RIT2: variants seen among roughly 807,000 people sequenced by gnomAD.
RIT2 encodes the protein Ras like without CAAX 2.
RIT2 carries 24 observed loss-of-function variants against 23.7 expected under a neutral mutation model. That is an observed-to-expected ratio of 1.01 (90% CI 0.73 to 1.43). RIT2 has a LOEUF of 1.43. RIT2 is among the 40% of genes most tolerant of loss of function. The pLI, the probability that RIT2 is intolerant of heterozygous loss-of-function variation, is 0.00. For missense variants in RIT2, 236 were observed against 266.9 expected (o/e 0.88, Z 0.81); for synonymous variants, 107 against 91.1 (o/e 1.17, Z -0.99).
At position 42,974,013 on chromosome 18, in the gene RIT2, T is replaced by C. The variant is rs1598735224; in HGVS notation, c.234+61A>G. On this transcript the variant is annotated intron_variant, in intron 3 of 4. Transcript: ENST00000326695. ...GTCATCTTCTCCTTTGTTGTAAATA[T>C]ATTTGAAGCTAAAGCATAAAATAAA... is the stretch of plus-strand genomic sequence containing the variant. 17 of 1,050,578 alleles carry C rather than the reference T, an allele frequency of 1.6e-5. No homozygotes were observed. The East Asian group carries it at 3.3e-4, about 20-fold the overall frequency. 65.1% of individuals were successfully genotyped at this position (1,050,578 alleles called of 1,614,324 possible). A position where few individuals can be genotyped will look rare whatever the true frequency, so the allele number is the denominator to read the frequency against.
At chr18:43,062,216 A>G (rs78981289) in intron 1 of RIT2, among the ~76,000 whole-genome samples, 1 of 151,514 alleles carries the variant, frequency 6.6e-6, no homozygotes, top group Non-Finnish European at 1.5e-5. Context: ...TGGATGGATG[A>G]AAAAAAAATA....
At chr18:42,838,210 T>G (rs1182500260) in intron 4 of RIT2, among the ~76,000 whole-genome samples, 2 of 152,194 alleles carry the variant, frequency 1.3e-5, no homozygotes, top group Non-Finnish European at 2.9e-5. Context: ...CATATGTTTT[T>G]TTTTCTTTAT....
At chr18:42,856,889 G>C (rs901867057) in intron 4 of RIT2, among the ~76,000 whole-genome samples, 1 of 147,442 alleles carries the variant, frequency 6.8e-6, no homozygotes, top group Admixed American at 6.8e-5. Context: ...GAGTGCAGTG[G>C]TGGGATCTCG....
At chr18:42,769,151 A>T (rs1913491338) in intron 4 of RIT2, among the ~76,000 whole-genome samples, 1 of 152,180 alleles carries the variant, frequency 6.6e-6, no homozygotes, top group African/African-American at 2.4e-5. Flanking sequence ...GAAAAAAGTC[A>T]ATAGAAAGGT....
At chr18:43,071,914 C>T (rs1046162715) in intron 1 of RIT2, among the ~76,000 whole-genome samples, 2 of 152,080 alleles carry the variant, frequency 1.3e-5, no homozygotes, top group Admixed American at 1.3e-4. Flanking sequence ...TTCTGAATCT[C>T]ACTATTATCA....
intron 4 of RIT2, among the ~76,000 whole-genome samples, chr18:42,757,839 A>G (rs1913200137): frequency 1.3e-5 from 2 of 152,136 alleles, no homozygotes; most frequent in African/African-American, 4.8e-5. Context: ...CACCTCAGTG[A>G]GGAAATAAAA....
intron 4 of RIT2, among the ~76,000 whole-genome samples, chr18:42,752,630 G>A (rs138001895): frequency 4.6e-5 from 7 of 152,046 alleles, no homozygotes; most frequent in Non-Finnish European, 1.0e-4. Flanking sequence ...ATATTTAGTT[G>A]ATTGTTCTGA....
chr18:42,792,404 A>G (rs1207170935), intron 4 of RIT2, among the ~76,000 whole-genome samples: 1 of 152,174 alleles, frequency 6.6e-6, no homozygotes, highest in Non-Finnish European at 1.5e-5. Flanking sequence ...GCTATTTACA[A>G]TATCAGTCAT....
chr18:43,065,917 G>A lies in RIT2; in HGVS notation c.104-32050C>T, dbSNP rs188904630. Among the ~76,000 whole-genome samples the A allele has an allele frequency of 7.9e-5, 12 of 152,290 alleles. No individual in the cohort carries two copies. The East Asian group carries it at 2.3e-3, about 29-fold the overall frequency. On this transcript the variant is annotated intron_variant, in intron 1 of 4. Transcript: ENST00000326695. The stretch of plus-strand genomic sequence containing the variant: ...TGGGGTAGAAAAAAACACATGGTGA[G>A]GGTCTGTTTAGTGAGTAACATTTAT...
chr18:42,754,222 G>A (rs1427533579), intron 4 of RIT2, among the ~76,000 whole-genome samples: 4 of 152,062 alleles, frequency 2.6e-5, no homozygotes, highest in Admixed American at 2.6e-4. Context: ...AAAGGAGAAG[G>A]GCAAGAGTCC....
chr18:42,749,670 CAT>C (rs1351685473), intron 4 of RIT2, among the ~76,000 whole-genome samples: 1 of 151,588 alleles, frequency 6.6e-6, no homozygotes, highest in Non-Finnish European at 1.5e-5. Flanking sequence ...AAAAAGATAA[CAT>C]GTGAACATGA....
chr18:42,891,566 T>TA (rs1908176335), intron 4 of RIT2, among the ~76,000 whole-genome samples: 3 of 152,108 alleles, frequency 2.0e-5, no homozygotes. Flanking sequence ...TTCAGCATTT[T>TA]AAAAAATGAG....
chr18:42,986,988 C>T (rs924509826), intron 2 of RIT2, among the ~76,000 whole-genome samples: 2 of 152,120 alleles, frequency 1.3e-5, no homozygotes, highest in Non-Finnish European at 2.9e-5. Context: ...GTTTGTGGTG[C>T]TATGAGAACT....
chr18:42,915,568 A>T (rs1262669535), intron 4 of RIT2, among the ~76,000 whole-genome samples: 1 of 152,050 alleles, frequency 6.6e-6, no homozygotes, highest in Non-Finnish European at 1.5e-5. Context: ...ATGAAAACCA[A>T]ACAATTCAGT....
At chr18:43,036,361 G>A (rs1262897471) in intron 1 of RIT2, among the ~76,000 whole-genome samples, 2 of 152,112 alleles carry the variant, frequency 1.3e-5, no homozygotes, top group Admixed American at 6.5e-5. Context: ...CCAACATGGC[G>A]AAATCCCATC....
intron 1 of RIT2, among the ~76,000 whole-genome samples, chr18:43,040,882 T>C (rs1912112493): frequency 6.6e-6 from 1 of 152,190 alleles, no homozygotes; most frequent in Non-Finnish European, 1.5e-5. Flanking sequence ...TGTATCTTAC[T>C]AGCTTCTATA....
intron 2 of RIT2, among the ~76,000 whole-genome samples, chr18:42,995,905 T>A (rs1045284907): frequency 6.6e-6 from 1 of 152,220 alleles, no homozygotes; most frequent in Non-Finnish European, 1.5e-5. Flanking sequence ...TCTGCTCTTG[T>A]TTACACTGCT....
At chr18:42,955,738 T>TATA in intron 3 of RIT2, among the ~76,000 whole-genome samples, 1 of 152,224 alleles carries the variant, frequency 6.6e-6, no homozygotes, top group Non-Finnish European at 1.5e-5. Context: ...CAATTTGAAG[T>TATA]GTGCAGTTCA....
Position 43,025,237 on chromosome 18 carries a change from C to A in RIT2, c.160+8574G>T, listed in dbSNP as rs9748840. ...AAAACAAAACAAAACAAAAAAAAAACAAAAAAAAAAACAGGCAGCAAATAG... is the reference window on the plus strand; with the variant it reads ...AAAACAAAACAAAACAAAAAAAAAAAAAAAAAAAAAACAGGCAGCAAATAG... On this transcript the variant is annotated intron_variant, in intron 2 of 4. Transcript: ENST00000326695. Among the ~76,000 whole-genome samples the A allele has an allele frequency of 6.6e-3, 900 of 136,550 alleles. 5 individuals carry two copies. Among genetic ancestry groups the A allele is most frequent in the African/African-American group, 0.021 (802 of 38,180 alleles). The allele number at this position is 136,550 out of a possible 152,430, so 89.6% of individuals were successfully genotyped here.
Sources: gnomAD v4.1 joint callset for allele counts (sites outside exome capture counted in the v4.1 genomes callset) on GRCh38, gnomAD v4.1.1 for gene constraint, MANE v1.5 for transcripts, NCBI Gene and HGNC (gene_info 2026-07-23, HGNC 2026-07-21) for gene names.